ARHGAP26: variants seen among roughly 807,000 people sequenced by gnomAD.
ARHGAP26 encodes rho GTPase-activating protein 26.
Under a neutral mutation model 104.8 loss-of-function variants are expected in ARHGAP26, and 38 were observed. That is an observed-to-expected ratio of 0.36 (90% CI 0.28 to 0.48). ARHGAP26 has a LOEUF of 0.48. ARHGAP26 is among the 20% of genes least tolerant of loss of function. ARHGAP26 has a pLI of 0.99. For missense variants in ARHGAP26, 704 were observed against 947.9 expected, an observed-to-expected ratio of 0.74 and a Z score of 3.38; for synonymous variants, 341 against 340.0, an observed-to-expected ratio of 1.00 and a Z score of -0.03.
Position 142,770,863 on chromosome 5 carries a change from A to G in ARHGAP26, c.102A>G (p.Lys34=), listed in dbSNP as rs1755052754. ...SHEAELDKTN[K]FIKELIKDGK... ...AAGCAGAGCTGGACAAGACCAACAA[A>G]TTCATCAAGGAGCTCATCAAGGACG... The change falls in exon 1 of 23, where the codon AAA becomes AAG. Residue 34 remains lysine (K), a synonymous_variant. Transcript: ENST00000645722. The G allele has an allele frequency of 6.2e-7, 1 of 1,611,324 alleles. No homozygotes were observed.
intron 2 of ARHGAP26, 107 bp downstream of exon 2, chr5:142,873,602 C>T: frequency 2.8e-6 from 2 of 711,008 alleles, no homozygotes; most frequent in Non-Finnish European, 4.3e-6. Context: ...GGTTAGTAAA[C>T]AAAGAAGTCC....
At chr5:142,818,126 G>C (rs938761075) in intron 1 of ARHGAP26, among the ~76,000 whole-genome samples, 1 of 152,060 alleles carries the variant, frequency 6.6e-6, no homozygotes, top group African/African-American at 2.4e-5. Context: ...GTATTGGCAG[G>C]CTTCCTTGGT....
rs1392939552 is a variant in ARHGAP26 at position 142,905,792 on chromosome 5, G to A, written c.833-1912G>A. Among the ~76,000 whole-genome samples the A allele has an allele frequency of 5.9e-5, 9 of 152,210 alleles. No individual in the cohort carries two copies. In the South Asian group the frequency reaches 8.3e-4, roughly 14 times the overall value. On this transcript the variant is annotated intron_variant, in intron 8 of 22. Transcript: ENST00000645722. ...TTGAACTCTTGCCATTAAAAGTAAT[G>A]GCTAAAATCGCAATTGAACTCTTGC...
chr5:143,194,594 G>A (rs1806488187), intron 20 of ARHGAP26, among the ~76,000 whole-genome samples: 1 of 151,972 alleles, frequency 6.6e-6, no homozygotes, highest in African/African-American at 2.4e-5. Context: ...AAAATTTTGT[G>A]AGATCAGAAT....
intron 11 of ARHGAP26, among the ~76,000 whole-genome samples, chr5:143,013,384 A>G (rs1000871340): frequency 4.6e-5 from 7 of 152,188 alleles, no homozygotes; most frequent in African/African-American, 1.4e-4. Flanking sequence ...GACCCTTGCA[A>G]TATGTCATTG....
intron 20 of ARHGAP26, among the ~76,000 whole-genome samples, chr5:143,187,430 T>G (rs1562575584): frequency 6.6e-6 from 1 of 152,218 alleles, no homozygotes; most frequent in Non-Finnish European, 1.5e-5. Context: ...GCATTTCACC[T>G]GTTTCAACAG....
intron 17 of ARHGAP26, among the ~76,000 whole-genome samples, chr5:143,093,140 CT>C: frequency 6.8e-6 from 1 of 147,320 alleles, no homozygotes; most frequent in South Asian, 2.2e-4. Context: ...ACTAAGCTAC[CT>C]TTTTGCTTTT....
chr5:143,183,886 C>T (rs1804763109), intron 20 of ARHGAP26, among the ~76,000 whole-genome samples: 1 of 152,118 alleles, frequency 6.6e-6, no homozygotes, highest in African/African-American at 2.4e-5. Flanking sequence ...GGAAGGACTC[C>T]ATTTTCTTAA....
chr5:142,986,252 G>C (rs1774707656), intron 11 of ARHGAP26, among the ~76,000 whole-genome samples: 1 of 152,246 alleles, frequency 6.6e-6, no homozygotes, highest in Middle Eastern at 3.4e-3. Context: ...TTTCTCTGAT[G>C]GCCAGTGATG....
intron 10 of ARHGAP26, among the ~76,000 whole-genome samples, chr5:142,916,286 G>GAT (rs1275863070): frequency 2.0e-5 from 3 of 152,178 alleles, no homozygotes; most frequent in Admixed American, 2.0e-4. Context: ...ACTTAATGCT[G>GAT]ATATATCATG....
chr5:142,968,569 A>G (rs1562176006), intron 11 of ARHGAP26, among the ~76,000 whole-genome samples: 1 of 152,176 alleles, frequency 6.6e-6, no homozygotes, highest in Admixed American at 6.5e-5. Flanking sequence ...ATTTTTAGTG[A>G]CTATCTTTTC....
chr5:142,957,828 C>T (rs569027160), intron 11 of ARHGAP26, among the ~76,000 whole-genome samples: 8 of 152,250 alleles, frequency 5.3e-5, no homozygotes, highest in Non-Finnish European at 1.0e-4. Context: ...AGCGCTCTCT[C>T]TTTTTCTCTC....
intron 1 of ARHGAP26, among the ~76,000 whole-genome samples, chr5:142,795,314 C>G (rs1022731911): frequency 6.6e-6 from 1 of 150,684 alleles, no homozygotes; most frequent in African/African-American, 2.4e-5. Context: ...GAGGATTGCT[C>G]AGAAAGTGTT....
intron 9 of ARHGAP26, 117 bp from the exon 10 acceptor site, chr5:142,913,082 T>G (rs1410202945): frequency 2.2e-6 from 2 of 897,468 alleles, no homozygotes; most frequent in Non-Finnish European, 3.7e-6. Context: ...CCCATGGTCA[T>G]GAGCACTCAG....
intron 11 of ARHGAP26, among the ~76,000 whole-genome samples, chr5:143,009,939 G>A (rs538447087): frequency 1.1e-4 from 17 of 152,176 alleles, no homozygotes; most frequent in African/African-American, 3.9e-4. Context: ...GGAGAGTTGA[G>A]TTCTATTGTA....
At chr5:142,975,793 G>A (rs983219369) in intron 11 of ARHGAP26, among the ~76,000 whole-genome samples, 3 of 152,078 alleles carry the variant, frequency 2.0e-5, no homozygotes, top group Admixed American at 2.0e-4. Flanking sequence ...TTGTGTCCTG[G>A]GTTGCCTGGA....
At chr5:143,157,075 G>A (rs1466651648) in intron 20 of ARHGAP26, among the ~76,000 whole-genome samples, 2 of 152,132 alleles carry the variant, frequency 1.3e-5, no homozygotes, top group African/African-American at 4.8e-5. Flanking sequence ...GAGCATCGGC[G>A]TGGACAGATT....
chr5:143,035,914 CG>C (rs1251038324), intron 12 of ARHGAP26, among the ~76,000 whole-genome samples: 2 of 126,182 alleles, frequency 1.6e-5, no homozygotes, highest in Admixed American at 2.0e-4. Flanking sequence ...CCAGCTTGAG[CG>C]ACAGAGTAAG....
intron 11 of ARHGAP26, among the ~76,000 whole-genome samples, chr5:143,013,087 T>C (rs1020988391): frequency 8.5e-5 from 13 of 152,194 alleles, no homozygotes; most frequent in Non-Finnish European, 1.5e-4. Context: ...CCAAGCATCA[T>C]ATTTACAAAC....
Sources: allele counts gnomAD v4.1 joint callset (sites outside exome capture counted in the v4.1 genomes callset), GRCh38; gene constraint gnomAD v4.1.1; transcripts MANE v1.5; gene names NCBI Gene and HGNC (gene_info 2026-07-23, HGNC 2026-07-21).